Variants in MAP2 observed in about 807,000 individuals in gnomAD.
MAP2 encodes microtubule-associated protein 2.
In MAP2, 14 loss-of-function variants were observed where a neutral mutation model predicts 137.6. The ratio of observed to expected loss-of-function variants is 0.10; its 90% CI spans 0.07 to 0.16. MAP2 has a LOEUF of 0.16. MAP2 is among the 10% of genes least tolerant of loss of function. The pLI is 1.00. For synonymous variants in MAP2, 786 were observed against 782.3 expected, an observed-to-expected ratio of 1.00 and a Z score of -0.08; for missense variants, 2,088 against 2,191.5, an observed-to-expected ratio of 0.95 and a Z score of 0.94.
At chr2:209,618,106 A>G (rs2090082473) in intron 3 of MAP2, among the ~76,000 whole-genome samples, 1 of 152,162 alleles carries the variant, frequency 6.6e-6, no homozygotes, top group South Asian at 2.1e-4. Flanking sequence ...ACATCAGTGA[A>G]AGAAACATTC....
chr2:209,438,062 A>G (rs556231450), intron 1 of MAP2, among the ~76,000 whole-genome samples: 180 of 151,754 alleles, frequency 1.2e-3, no homozygotes, highest in African/African-American at 4.1e-3. Flanking sequence ...AGACTGTACT[A>G]TTGTTATGGT....
At chr2:209,488,533 G>A (rs1006002099) in intron 1 of MAP2, among the ~76,000 whole-genome samples, 10 of 152,158 alleles carry the variant, frequency 6.6e-5, no homozygotes, top group African/African-American at 1.4e-4. Context: ...GCTAAGATCC[G>A]CTGGCTTGAA....
At chr2:209,706,202 A>G (rs963480956) in intron 12 of MAP2, among the ~76,000 whole-genome samples, 1 of 152,196 alleles carries the variant, frequency 6.6e-6, no homozygotes, top group Non-Finnish European at 1.5e-5. Context: ...AATATAGCAT[A>G]GTCTATGCAA....
chr2:209,494,461 A>C (rs1425675294), intron 1 of MAP2, among the ~76,000 whole-genome samples: 3 of 150,436 alleles, frequency 2.0e-5, no homozygotes, highest in African/African-American at 7.3e-5. Context: ...GCTAAATCCC[A>C]CTGAAACCAA....
chr2:209,611,027 G>A (rs932553062), intron 3 of MAP2, among the ~76,000 whole-genome samples: 1 of 152,048 alleles, frequency 6.6e-6, no homozygotes, highest in Admixed American at 6.6e-5. Flanking sequence ...TAAAAACTAG[G>A]GTTTTTGAGA....
At chr2:209,622,757 C>T (rs187709607) in intron 3 of MAP2, among the ~76,000 whole-genome samples, 2 of 152,116 alleles carry the variant, frequency 1.3e-5, no homozygotes, top group African/African-American at 4.8e-5. Context: ...CCATAAGTTG[C>T]TCTTTAAAAA....
At chr2:209,625,024 A>G (rs2092025064) in intron 3 of MAP2, 29 bp from the exon 4 acceptor site, 2 of 152,182 alleles carry the variant, frequency 1.3e-5, no homozygotes, top group Non-Finnish European at 2.9e-5. Flanking sequence ...ATCAGGGATT[A>G]AACTATTAAT....
chr2:209,467,236 C>T (rs190234636), intron 1 of MAP2, among the ~76,000 whole-genome samples: 47 of 152,264 alleles, frequency 3.1e-4, no homozygotes, highest in African/African-American at 1.1e-3. Context: ...AAATTAATTG[C>T]AACGACCTCT....
intron 1 of MAP2, among the ~76,000 whole-genome samples, chr2:209,501,249 C>T (rs1453636122): frequency 2.0e-5 from 3 of 152,166 alleles, no homozygotes; most frequent in East Asian, 3.9e-4. Context: ...AAGGGAGAAG[C>T]ATAAGAAATA....
At chr2:209,424,933 C>A (rs879680761) in intron 1 of MAP2, among the ~76,000 whole-genome samples, 2 of 145,994 alleles carry the variant, frequency 1.4e-5, no homozygotes, top group Admixed American at 6.8e-5. Context: ...TCTGAATCTA[C>A]AGTGCATCTA....
chr2:209,672,299 C>G (rs1214785091), intron 5 of MAP2, among the ~76,000 whole-genome samples: 1 of 151,802 alleles, frequency 6.6e-6, no homozygotes, highest in Non-Finnish European at 1.5e-5. Context: ...AGGAGGTACT[C>G]ATTGGGAAAA....
intron 5 of MAP2, among the ~76,000 whole-genome samples, chr2:209,677,657 T>C (rs969196212): frequency 3.9e-5 from 6 of 152,090 alleles, no homozygotes; most frequent in Non-Finnish European, 5.9e-5. Flanking sequence ...GTTTGTTATT[T>C]CTTCCATTGT....
rs2075723162 is a variant in MAP2 at position 209,731,151 on chromosome 2, TTTGATACAGTATTATAG to T, written c.*755_*771del. ...CAGTTTCACACCCCCTTTCCATCTG[TTTGATACAGTATTATAG>T]ATATAAATATATATATATTTCTCTG... On this transcript the variant is annotated 3_prime_UTR_variant, in exon 16 of 16. Coordinates refer to ENST00000682079, the MANE Select transcript of MAP2 (RefSeq NM_001375505.1). 2 of 152,582 alleles carry T rather than the reference TTTGATACAGTATTATAG, an allele frequency of 1.3e-5. No individual in the cohort carries two copies. Among genetic ancestry groups the T allele is most frequent in the Admixed American group, 6.6e-5 (1 of 15,258 alleles). The allele number at this position is 152,582 out of a possible 1,614,324, so 9.5% of individuals were successfully genotyped here.
chr2:209,568,338 T>C (rs566746047), intron 2 of MAP2, among the ~76,000 whole-genome samples: 84 of 152,118 alleles, frequency 5.5e-4, no homozygotes, highest in African/African-American at 1.9e-3. Flanking sequence ...ACTTATGATA[T>C]TGTATTTATT....
chr2:209,468,317 CTTTTTTTTT>C (rs11450792), intron 1 of MAP2, among the ~76,000 whole-genome samples: 1 of 88,530 alleles, frequency 1.1e-5, no homozygotes, highest in Non-Finnish European at 2.0e-5. Context: ...TTTAGTGTTT[CTTTTTTTTT>C]TTTTTTTTTT....
chr2:209,680,942 A>C (rs1353823870), intron 7 of MAP2, 115 bp downstream of exon 7: 9 of 623,318 alleles, frequency 1.4e-5, no homozygotes, highest in Non-Finnish European at 2.4e-5. Flanking sequence ...CTTTGGAGCT[A>C]TCTGTTTCAA....
Position 209,696,661 on chromosome 2 carries a change from G to A in MAP2, c.4300G>A (p.Gly1434Arg), listed in dbSNP as rs2060257662. ...TAGAAAAGAAAAGCCTTTTAAAACCGGGAGAGGCAGAATTTCCACTCCTGA... is the reference window on the plus strand; with the variant it reads ...TAGAAAAGAAAAGCCTTTTAAAACCAGGAGAGGCAGAATTTCCACTCCTGA... ...KHRKEKPFKT[G>R]RGRISTPERK... Residue 1434 changes from glycine to arginine, a missense_variant, in exon 9 of 16, where the codon GGG (glycine) becomes AGG (arginine). Physicochemically the swap from Gly to Arg is moderately radical, Grantham distance 125. Around this residue, in one of 6 missense-constraint regions of MAP2, gnomAD observed 591 missense variants for 642.6 expected, o/e 0.92. Coordinates refer to ENST00000682079, the MANE Select transcript of MAP2 (RefSeq NM_001375505.1). The A allele has an allele frequency of 6.2e-7, 1 of 1,613,782 alleles. No homozygotes were observed. Among genetic ancestry groups the A allele is most frequent in the Non-Finnish European group, 8.5e-7 (1 of 1,179,842 alleles).
At chr2:209,706,851 A>G (rs1174309316) in intron 12 of MAP2, among the ~76,000 whole-genome samples, 1 of 151,794 alleles carries the variant, frequency 6.6e-6, no homozygotes, top group Non-Finnish European at 1.5e-5. Context: ...AAAAGTGTTT[A>G]TTATAATAAC....
In MAP2 at chr2:209,655,908, G is replaced by A. The variant is rs16843399; in HGVS notation, c.262+2476G>A. ...TCAAAGAATCTTCCCTCTACTTTCC[G>A]TTTTTGCTATAGTCCCCTCTTTGCA... is the stretch of plus-strand genomic sequence containing the variant. On this transcript the variant is annotated intron_variant, in intron 5 of 15. Coordinates refer to ENST00000682079, the MANE Select transcript of MAP2 (RefSeq NM_001375505.1). Among the ~76,000 whole-genome samples the A allele has an allele frequency of 5.3e-5, 8 of 152,084 alleles. No individual in the cohort carries two copies. The East Asian group carries it at 5.8e-4, about 11-fold the overall frequency.
Sources: gnomAD v4.1 joint callset for allele counts (sites outside exome capture counted in the v4.1 genomes callset) on GRCh38, gnomAD v4.1.1 for gene constraint, gnomAD v4.1.1 regional missense constraint, MANE v1.5 for transcripts, NCBI Gene and HGNC (gene_info 2026-07-23, HGNC 2026-07-21) for gene names.